DHX40: variants seen among roughly 807,000 people sequenced by gnomAD.
The protein encoded by DHX40 is probable ATP-dependent RNA helicase DHX40.
A neutral mutation model predicts 89.6 loss-of-function variants in DHX40; 28 were observed. The observed-to-expected ratio is 0.31, with a 90% confidence interval of 0.23 to 0.43. The LOEUF (loss-of-function observed/expected upper bound fraction) is 0.43. DHX40 is among the 20% of genes least tolerant of loss of function. DHX40 has a pLI of 1.00. For synonymous variants in DHX40, 226 were observed against 283.6 expected, an observed-to-expected ratio of 0.80 and a Z score of 2.04; for missense variants, 457 against 844.0, an observed-to-expected ratio of 0.54 and a Z score of 5.68.
intron 15 of DHX40, chr17:59,603,709 TTTTG>T (rs1418959278): frequency 6.6e-6 from 1 of 152,082 alleles, no homozygotes; most frequent in African/African-American, 2.4e-5. Context: ...TCCATAAAAT[TTTTG>T]TTAATTACAA....
chr17:59,601,140 A>C (rs1214705801), intron 14 of DHX40, among the ~76,000 whole-genome samples: 4 of 148,488 alleles, frequency 2.7e-5, no homozygotes, highest in Non-Finnish European at 6.0e-5. Context: ...CCTTGTCTCT[A>C]CTAAAAAAAA....
chr17:59,597,733 G>A (rs1350962361), intron 12 of DHX40, among the ~76,000 whole-genome samples: 3 of 149,762 alleles, frequency 2.0e-5, no homozygotes, highest in African/African-American at 4.9e-5. Flanking sequence ...TCAGGAGATC[G>A]AGACCATCCT....
chr17:59,605,221 T>A (rs1263231860), intron 16 of DHX40, 37 bp downstream of exon 16: 1 of 1,591,734 alleles, frequency 6.3e-7, no homozygotes, highest in African/African-American at 1.3e-5. Flanking sequence ...AAGAAATTTG[T>A]AAAGTTGTAG....
chr17:59,575,531 G>A (rs760538294), intron 7 of DHX40, 60 bp downstream of exon 7: 89 of 1,568,348 alleles, frequency 5.7e-5, no homozygotes, highest in Middle Eastern at 3.4e-4. Flanking sequence ...TTGAATAATC[G>A]TGTTTACAGA....
chr17:59,590,608 C>CT (rs2049068707), intron 12 of DHX40, among the ~76,000 whole-genome samples: 1 of 151,546 alleles, frequency 6.6e-6, no homozygotes, highest in Admixed American at 6.6e-5. Flanking sequence ...CAGCTGGGAC[C>CT]ACAGATGCTT....
rs756751354 is a variant in DHX40, at chr17:59,588,078, T to A, written c.1582+25T>A. On this transcript the variant is annotated intron_variant, in intron 12 of 17. Coordinates refer to ENST00000251241, the MANE Select transcript of DHX40 (RefSeq NM_024612.5). The stretch of plus-strand genomic sequence containing the variant: ...GGTAAGATGTTTATTTTAAGTTGTG[T>A]TTTTTAAAACTAATAGACTTGGCTG... 25 of 1,610,826 alleles carry A rather than the reference T, an allele frequency of 1.6e-5. 2 individuals are homozygous for A. The highest frequency in any genetic ancestry group is 2.0e-5 in the Non-Finnish European group (24 of 1,178,490).
At chr17:59,570,808 G>T (rs2048796661) in intron 3 of DHX40, 145 bp downstream of exon 3, 2 of 696,294 alleles carry the variant, frequency 2.9e-6, no homozygotes, top group Admixed American at 4.0e-5. Context: ...TCAGCCCCTT[G>T]GGTAGCTGGG....
intron 12 of DHX40, among the ~76,000 whole-genome samples, chr17:59,588,592 A>G (rs562551029): frequency 9.9e-5 from 15 of 152,262 alleles, no homozygotes; most frequent in African/African-American, 3.1e-4. Flanking sequence ...TTGGCCTCCC[A>G]AAGTGCTGGG....
Position 59,607,042 on chromosome 17 carries a change from C to A in DHX40, c.2210C>A (p.Ser737Ter), listed in dbSNP as rs544885439. The change falls in exon 18 of 18, where the codon TCG becomes TAG. Residue 737 changes from serine (S) to a stop codon, truncating the protein, a stop_gained. Coordinates refer to ENST00000251241, the MANE Select transcript of DHX40 (RefSeq NM_024612.5). LOFTEE classifies it high-confidence loss of function. ...TTTGTAATGTTTTCAGATGGAATAT[C>A]GAAAGACGTCTTAAAGAAAATGCAA... ...ENVKQLKDGI[S>*]KDVLKKMQRR... 6.2e-7 allele frequency: 1 copy of A among 1,612,970 alleles called. No individual in the cohort carries two copies. Among genetic ancestry groups the A allele is most frequent in the Admixed American group, 1.7e-5 (1 of 59,788 alleles).
intron 14 of DHX40, among the ~76,000 whole-genome samples, chr17:59,600,560 C>T (rs1339966162): frequency 2.6e-5 from 4 of 151,640 alleles, no homozygotes; most frequent in African/African-American, 4.9e-5. Context: ...ATAAAATTTA[C>T]CTCTACTGGG....
intron 7 of DHX40, 175 bp from the exon 8 acceptor site, chr17:59,577,091 G>A (rs1048082302): frequency 6.2e-6 from 4 of 645,646 alleles, no homozygotes; most frequent in South Asian, 3.1e-5. Flanking sequence ...GGATGGTCTC[G>A]ATATCCTGAC....
chr17:59,572,676 A>C (rs2048827497), intron 3 of DHX40, among the ~76,000 whole-genome samples: 1 of 152,114 alleles, frequency 6.6e-6, no homozygotes, highest in African/African-American at 2.4e-5. Context: ...ACCGTGTCTG[A>C]CCTAAGTAAC....
intron 14 of DHX40, among the ~76,000 whole-genome samples, chr17:59,601,778 A>G (rs1281136440): frequency 1.3e-5 from 2 of 152,100 alleles, no homozygotes; most frequent in African/African-American, 2.4e-5. Context: ...TTACTTGGAA[A>G]TGGTCTTTGG....
chr17:59,598,919 T>C, intron 13 of DHX40, 68 bp downstream of exon 13: 2 of 1,085,628 alleles, frequency 1.8e-6, no homozygotes, highest in Non-Finnish European at 2.8e-6. Flanking sequence ...GTACTTATGA[T>C]GTGGCTTGTG....
chr17:59,571,731 C>T (rs1033302503), intron 3 of DHX40, among the ~76,000 whole-genome samples: 3 of 151,900 alleles, frequency 2.0e-5, no homozygotes, highest in Non-Finnish European at 4.4e-5. Context: ...GCTGGGTTTA[C>T]AGGCTCCTGC....
At chr17:59,600,016 GTT>G (rs2030384500) in intron 14 of DHX40, among the ~76,000 whole-genome samples, 1 of 151,990 alleles carries the variant, frequency 6.6e-6, no homozygotes, top group Non-Finnish European at 1.5e-5. Flanking sequence ...TAGAGATGGG[GTT>G]TTGCCGTGTT....
chr17:59,581,128 T>G (rs1470033534), intron 10 of DHX40, among the ~76,000 whole-genome samples: 1 of 148,084 alleles, frequency 6.8e-6, no homozygotes, highest in Non-Finnish European at 1.5e-5. Context: ...GAAAGTGGAG[T>G]GTTTTTTTTG....
intron 15 of DHX40, among the ~76,000 whole-genome samples, chr17:59,602,998 G>A (rs578132415): frequency 6.6e-6 from 1 of 152,264 alleles, no homozygotes; most frequent in South Asian, 2.1e-4. Flanking sequence ...AAGGTGGGGA[G>A]GGGTTATTTG....
chr17:59,568,190 T>C (rs2048735380), intron 2 of DHX40, among the ~76,000 whole-genome samples: 1 of 152,172 alleles, frequency 6.6e-6, no homozygotes, highest in Non-Finnish European at 1.5e-5. Context: ...ACCGTGCTGT[T>C]GCACTCCAGT....
Sources: allele counts gnomAD v4.1 joint callset (sites outside exome capture counted in the v4.1 genomes callset), GRCh38; gene constraint gnomAD v4.1.1; transcripts MANE v1.5; gene names NCBI Gene and HGNC (gene_info 2026-07-23, HGNC 2026-07-21).